The following LSAMP variants were observed in gnomAD, a reference collection of about 807,000 sequenced individuals.
LSAMP encodes the protein limbic system-associated membrane protein.
A neutral mutation model predicts 38.6 loss-of-function variants in LSAMP; 7 were observed. The observed-to-expected ratio is 0.18, with a 90% CI of 0.10 to 0.34. LSAMP has a LOEUF of 0.34. LSAMP is among the 10% of genes least tolerant of loss of function. The pLI is 1.00. For missense variants in LSAMP, 313 were observed against 420.0 expected (o/e 0.75, Z 2.23); for synonymous variants, 154 against 166.8 (o/e 0.92, Z 0.59).
chr3:116,253,251 C>T (rs181151086), intron 1 of LSAMP, among the ~76,000 whole-genome samples: 106 of 152,192 alleles, frequency 7.0e-4, no homozygotes, highest in Middle Eastern at 3.4e-3. Flanking sequence ...TCACCATTTG[C>T]ACATACTGAC....
intron 6 of LSAMP, among the ~76,000 whole-genome samples, chr3:115,833,260 T>C (rs1337837400): frequency 1.3e-5 from 2 of 152,064 alleles, no homozygotes; most frequent in East Asian, 3.8e-4. Flanking sequence ...ATATTTTCCA[T>C]GAACAGTAAG....
chr3:116,143,329 C>A (rs935970678), intron 1 of LSAMP, among the ~76,000 whole-genome samples: 1 of 151,710 alleles, frequency 6.6e-6, no homozygotes, highest in Non-Finnish European at 1.5e-5. Context: ...GTTTATTTGA[C>A]ACTCTTATGT....
intron 3 of LSAMP, among the ~76,000 whole-genome samples, chr3:115,902,408 A>G (rs1367726829): frequency 6.6e-6 from 1 of 152,156 alleles, no homozygotes; most frequent in East Asian, 1.9e-4. Context: ...AAGACAACCT[A>G]TGCAATACCA....
At chr3:116,245,603 G>A (rs891470680) in intron 1 of LSAMP, among the ~76,000 whole-genome samples, 2 of 152,004 alleles carry the variant, frequency 1.3e-5, no homozygotes, top group Non-Finnish European at 2.9e-5. Flanking sequence ...TCATGACCCT[G>A]CATCCTAGTA....
At chr3:115,842,616 C>A (rs375806100) in intron 4 of LSAMP, 38 bp from the exon 5 acceptor site, 42 of 1,607,548 alleles carry the variant, frequency 2.6e-5, no homozygotes, top group Non-Finnish European at 3.2e-5. Flanking sequence ...ACATGAGGGT[C>A]GGGGTGCTTA....
intron 2 of LSAMP, among the ~76,000 whole-genome samples, chr3:116,030,305 C>T (rs1374231111): frequency 6.6e-6 from 1 of 152,096 alleles, no homozygotes; most frequent in African/African-American, 2.4e-5. Context: ...AATAGGTGCA[C>T]TCTGTGTGAT....
At chr3:115,879,721 G>C (rs1936274812) in intron 3 of LSAMP, among the ~76,000 whole-genome samples, 1 of 152,130 alleles carries the variant, frequency 6.6e-6, no homozygotes, top group Non-Finnish European at 1.5e-5. Flanking sequence ...AAGCCAATGT[G>C]TAGATGAGAA....
chr3:116,301,139 A>G, intron 1 of LSAMP, among the ~76,000 whole-genome samples: 1 of 152,124 alleles, frequency 6.6e-6, no homozygotes, highest in Non-Finnish European at 1.5e-5. Flanking sequence ...TATCAACTAT[A>G]ACCAGGATCA....
intron 1 of LSAMP, among the ~76,000 whole-genome samples, chr3:116,341,101 TTTTTG>T (rs1180517416): frequency 6.6e-6 from 1 of 151,970 alleles, no homozygotes; most frequent in African/African-American, 2.4e-5. Context: ...TAAAAATGGA[TTTTTG>T]TTTTAACAAC....
chr3:115,929,530 G>T lies in LSAMP; in HGVS notation c.515-76913C>A, dbSNP rs140931810. Reference sequence around the variant, plus strand: ...ACAAAAAACTTTCTTGATCTACTGAGCAGGCAGGTGAAAATACACATCAAA... The same window carrying T: ...ACAAAAAACTTTCTTGATCTACTGATCAGGCAGGTGAAAATACACATCAAA... On this transcript the variant is annotated intron_variant, in intron 3 of 6. Coordinates refer to ENST00000490035, the MANE Select transcript of LSAMP (RefSeq NM_002338.5). 2.5e-3 allele frequency among the ~76,000 whole-genome samples: 383 copies of T among 152,128 alleles called. 1 individual carries two copies. Among genetic ancestry groups the T allele is most frequent in the African/African-American group, 9.0e-3 (372 of 41,506 alleles).
At chr3:115,941,262 G>A (rs1334327735) in intron 3 of LSAMP, among the ~76,000 whole-genome samples, 1 of 151,966 alleles carries the variant, frequency 6.6e-6, no homozygotes, top group Non-Finnish European at 1.5e-5. Flanking sequence ...ATGAAGATGG[G>A]TATCCTCAAA....
At chr3:115,943,972 A>G (rs1938015087) in intron 3 of LSAMP, among the ~76,000 whole-genome samples, 1 of 152,182 alleles carries the variant, frequency 6.6e-6, no homozygotes, top group African/African-American at 2.4e-5. Context: ...TGGTGGCTCA[A>G]AATCCAGGGA....
At chr3:116,307,757 A>C (rs117886679) in intron 1 of LSAMP, among the ~76,000 whole-genome samples, 1 of 152,106 alleles carries the variant, frequency 6.6e-6, no homozygotes, top group East Asian at 1.9e-4. Context: ...CTTGAGAAAC[A>C]GCTTATGATA....
intron 3 of LSAMP, among the ~76,000 whole-genome samples, chr3:115,997,769 C>T (rs141273214): frequency 2.9e-5 from 4 of 136,724 alleles, no homozygotes; most frequent in South Asian, 2.4e-4. Context: ...CACATACATA[C>T]ACACACATAT....
chr3:116,091,470 A>G (rs1559739175), intron 1 of LSAMP, among the ~76,000 whole-genome samples: 2 of 152,232 alleles, frequency 1.3e-5, no homozygotes, highest in African/African-American at 4.8e-5. Context: ...TGGGGAAGTG[A>G]GAAGTGTCCA....
rs562453716 is a variant in LSAMP, at chr3:115,911,804, A to C, written c.515-59187T>G. 2.7e-4 allele frequency among the ~76,000 whole-genome samples: 41 copies of C among 152,348 alleles called. 1 individual carries two copies. The East Asian group carries it at 6.8e-3, about 25-fold the overall frequency. On this transcript the variant is annotated intron_variant, in intron 3 of 6. Coordinates refer to ENST00000490035, the MANE Select transcript of LSAMP (RefSeq NM_002338.5). ...TACAATTTTACATTCCCACCAACAA[A>C]GTATGAATTATTCAGATTCTTCACA...
At chr3:115,910,090 A>G (rs1156343456) in intron 3 of LSAMP, among the ~76,000 whole-genome samples, 5 of 152,168 alleles carry the variant, frequency 3.3e-5, no homozygotes, top group Non-Finnish European at 7.4e-5. Flanking sequence ...CCAGGGAGAA[A>G]GGTAAGAAAA....
chr3:115,852,249 T>A (rs1355371791), intron 4 of LSAMP, among the ~76,000 whole-genome samples: 1 of 152,250 alleles, frequency 6.6e-6, no homozygotes, highest in Non-Finnish European at 1.5e-5. Context: ...AATTCTTTAG[T>A]CTGAGTAGAA....
intron 6 of LSAMP, among the ~76,000 whole-genome samples, chr3:115,839,500 C>T (rs997168168): frequency 4.6e-5 from 7 of 152,000 alleles, no homozygotes; most frequent in African/African-American, 1.7e-4. Flanking sequence ...AGCTTCTCCC[C>T]CAAAATGTTT....
Sources: gnomAD v4.1 joint callset for allele counts (sites outside exome capture counted in the v4.1 genomes callset) on GRCh38, gnomAD v4.1.1 for gene constraint, MANE v1.5 for transcripts, NCBI Gene and HGNC (gene_info 2026-07-23, HGNC 2026-07-21) for gene names.